Variants in IL3RA observed in about 807,000 individuals in gnomAD.
IL3RA encodes interleukin 3 receptor subunit alpha.
IL3RA carries 73 observed loss-of-function variants against 52.3 expected under a neutral mutation model. The ratio of observed to expected loss-of-function variants is 1.40; its 90% CI spans 1.16 to 1.70. The LOEUF (loss-of-function observed/expected upper bound fraction) is 1.70. IL3RA is among the 40% of genes most tolerant of loss of function. IL3RA has a pLI of 0.00. For synonymous variants in IL3RA, 260 were observed against 194.0 expected (o/e 1.34, Z -2.83); for missense variants, 664 against 504.4 (o/e 1.32, Z -3.03).
intron 4 of IL3RA, among the ~76,000 whole-genome samples, chrX:1,348,884 GT>G (rs773009869): frequency 0.073 from 2,906 of 39,542 alleles, 67 homozygotes; most frequent in Middle Eastern, 0.1. Flanking sequence ...CTTCCCTTTC[GT>G]TTTCTTTTCC....
intron 4 of IL3RA, among the ~76,000 whole-genome samples, chrX:1,350,005 G>C (rs1331127541): frequency 6.6e-6 from 1 of 151,650 alleles, no homozygotes; most frequent in Non-Finnish European, 1.5e-5. Flanking sequence ...TGCCGAGTCG[G>C]AAAAAAAAGA....
At chrX:1,361,615 T>C (rs1307729904) in intron 8 of IL3RA, among the ~76,000 whole-genome samples, 7 of 151,624 alleles carry the variant, frequency 4.6e-5, no homozygotes, top group Non-Finnish European at 8.8e-5. Flanking sequence ...CCAGACGTGG[T>C]GGTGGCAGGC....
chrX:1,343,036 T>C lies in IL3RA; in HGVS notation c.64+1207T>C, dbSNP rs17881196. Among the ~76,000 whole-genome samples, 1,418 of 151,292 alleles carry C rather than the reference T, an allele frequency of 9.4e-3. 10 individuals carry two copies. Among genetic ancestry groups the C allele is most frequent in the African/African-American group, 0.027 (1,124 of 41,350 alleles). On this transcript the variant is annotated intron_variant, in intron 2 of 11. Coordinates refer to ENST00000331035, the MANE Select transcript of IL3RA (RefSeq NM_002183.4). ...GTTGCAGTGAGCCTAGATCACGCCA[T>C]TGCACTCCAGCCTGGGCGACAGAGT...
chrX:1,339,862 G>A (rs188355517), intron 1 of IL3RA, among the ~76,000 whole-genome samples: 24 of 152,194 alleles, frequency 1.6e-4, no homozygotes, highest in African/African-American at 4.8e-4. Context: ...CAGTGTAGGA[G>A]AGCCAGCCTT....
intron 8 of IL3RA, among the ~76,000 whole-genome samples, chrX:1,361,083 T>C (rs1364347785): frequency 6.0e-5 from 4 of 67,038 alleles, no homozygotes; most frequent in African/African-American, 1.6e-4. Flanking sequence ...CTCTCTCCCT[T>C]CCCCTCTCTG....
At chrX:1,348,633 C>CTTTTCT (rs1478359665) in intron 4 of IL3RA, 88 bp downstream of exon 4, 2 of 789,630 alleles carry the variant, frequency 2.5e-6, no homozygotes, top group Non-Finnish European at 4.1e-6. Context: ...TGTCTTTTTT[C>CTTTTCT]TTTTCTTTTT....
chrX:1,363,979 A>G lies in IL3RA; in HGVS notation c.760-1159A>G, dbSNP rs549859733. Among the ~76,000 whole-genome samples, 32 of 148,070 alleles carry G rather than the reference A, an allele frequency of 2.2e-4. 1 individual carries two copies. In the South Asian group the frequency reaches 6.7e-3, roughly 31 times the overall value. On this transcript the variant is annotated intron_variant, in intron 8 of 11. Coordinates refer to ENST00000331035, the MANE Select transcript of IL3RA (RefSeq NM_002183.4). ...GGGTGGATCATGAGGTCAGGAAATC[A>G]AGACCATCCTGGCTAACATGGTGAA...
In IL3RA at chrX:1,356,232, C is replaced by G. The variant is rs753519463; in HGVS notation, c.628C>G (p.Pro210Ala). 3 of 1,606,726 alleles carry G rather than the reference C, an allele frequency of 1.9e-6. No homozygotes were observed. Among genetic ancestry groups the G allele is most frequent in the Admixed American group, 1.7e-5 (1 of 59,758 alleles). Residue 210 changes from proline (P) to alanine (A), a missense_variant, in exon 7 of 12, where the codon CCA becomes GCA. By Grantham distance (27) the Pro-to-Ala change is conservative (BLOSUM62 -1). Coordinates refer to ENST00000331035, the MANE Select transcript of IL3RA (RefSeq NM_002183.4). ...TTTCTCGTTGCTAGAGATATTAACT[C>G]CACCCAACATGACTGCAAAGTGTAA... is the stretch of plus-strand genomic sequence containing the variant. ...VVFSQIEILT[P>A]PNMTAKCNKT...
At chrX:1,368,290 G>A (rs1205297748) in intron 9 of IL3RA, among the ~76,000 whole-genome samples, 3 of 152,004 alleles carry the variant, frequency 2.0e-5, no homozygotes, top group Non-Finnish European at 4.4e-5. Context: ...GATCGCCTCA[G>A]AGTAGAACTT....
rs149377624 is a variant in IL3RA, at chrX:1,365,216, G to C, written c.838G>C (p.Glu280Gln). ...AATAAGAGCCCGGGAAAGAGTGTAT[G>C]AATTCTTGAGCGCCTGGAGCACCCC... is the stretch of plus-strand genomic sequence containing the variant. ...VQIRARERVY[E>Q]FLSAWSTPQR... The change falls in exon 9 of 12, where the codon GAA (glutamate) becomes CAA (glutamine). Residue 280 changes from glutamate to glutamine, a missense_variant. Glu to Gln is a conservative substitution (Grantham distance 29). Transcript: ENST00000331035. The C allele has an allele frequency of 6.2e-7, 1 of 1,610,780 alleles. No individual in the cohort carries two copies. Among genetic ancestry groups the C allele is most frequent in the South Asian group, 1.1e-5 (1 of 91,050 alleles).
At chrX:1,358,632 C>T (rs1351363374) in intron 7 of IL3RA, among the ~76,000 whole-genome samples, 1 of 152,186 alleles carries the variant, frequency 6.6e-6, no homozygotes, top group Non-Finnish European at 1.5e-5. Flanking sequence ...GCATTCCAGC[C>T]TGGGTGACGG....
intron 8 of IL3RA, among the ~76,000 whole-genome samples, chrX:1,362,437 T>G (rs1254719749): frequency 6.6e-6 from 1 of 151,958 alleles, no homozygotes; most frequent in Non-Finnish European, 1.5e-5. Flanking sequence ...TCTCTGTGTC[T>G]CTTTGTATCT....
intron 9 of IL3RA, among the ~76,000 whole-genome samples, chrX:1,366,924 C>A (rs868448371): frequency 0.029 from 72 of 2,444 alleles, no homozygotes; most frequent in Admixed American, 0.032. Context: ...GAGCGGGGTG[C>A]GCGGGGTGAG....
rs1199014172 is a variant in IL3RA at position 1,341,311 on chromosome X, AAAAG to A, written c.-38-413_-38-410del. Among the ~76,000 whole-genome samples the A allele has an allele frequency of 3.3e-5, 5 of 152,146 alleles. No individual in the cohort carries two copies. The East Asian group carries it at 7.7e-4, about 24-fold the overall frequency. On this transcript the variant is annotated intron_variant, in intron 1 of 11. Transcript: ENST00000331035. ...GCGAGTCTCCATCAGGAAAAAAAAA[AAAAG>A]AAAACACACAAACACTTATGTGTGC...
At chrX:1,345,261 T>G in intron 2 of IL3RA, 55 bp from the exon 3 acceptor site, 2 of 1,188,944 alleles carry the variant, frequency 1.7e-6, no homozygotes, top group Non-Finnish European at 2.4e-6. Context: ...CCCCTTACAA[T>G]GCCGTTTTAA....
intron 1 of IL3RA, among the ~76,000 whole-genome samples, chrX:1,337,513 C>T (rs1211971068): frequency 6.6e-5 from 10 of 152,078 alleles, no homozygotes; most frequent in Non-Finnish European, 1.0e-4. Flanking sequence ...GCCCTCGTAC[C>T]CATCTATAGA....
At chrX:1,382,226 G>GGC (rs1250331456) in intron 11 of IL3RA, among the ~76,000 whole-genome samples, 165 bp from the exon 12 acceptor site, 9 of 152,194 alleles carry the variant, frequency 5.9e-5, no homozygotes, top group Non-Finnish European at 1.2e-4. Flanking sequence ...TGGGATTACA[G>GGC]GTGTGACCCA....
chrX:1,379,523 C>A (rs764375100), intron 10 of IL3RA, among the ~76,000 whole-genome samples: 1 of 152,298 alleles, frequency 6.6e-6, no homozygotes, highest in South Asian at 2.1e-4. Context: ...GCCAGGAGGT[C>A]TGTAGAGCCA....
chrX:1,360,569 A>G (rs2087177574), intron 8 of IL3RA, among the ~76,000 whole-genome samples: 1 of 151,582 alleles, frequency 6.6e-6, no homozygotes, highest in Non-Finnish European at 1.5e-5. Flanking sequence ...CCCAGGCTGG[A>G]GTGCGATGGC....
Sources: allele counts gnomAD v4.1 joint callset (sites outside exome capture counted in the v4.1 genomes callset), GRCh38; gene constraint gnomAD v4.1.1; transcripts MANE v1.5; gene names NCBI Gene and HGNC (gene_info 2026-07-23, HGNC 2026-07-21).